SFXN5: variants seen among roughly 807,000 people sequenced by gnomAD.
SFXN5 encodes the protein sideroflexin-5.
SFXN5 carries 43 observed loss-of-function variants against 50.2 expected under a neutral mutation model. That is an observed-to-expected ratio of 0.86 (90% CI 0.67 to 1.11). The LOEUF (loss-of-function observed/expected upper bound fraction) is 1.11, where lower values mean the gene tolerates loss of function less well. Ranked by LOEUF, SFXN5 falls within the 50% of genes least tolerant of loss-of-function variation. SFXN5 has a pLI of 0.00. For missense variants in SFXN5, 463 were observed against 454.1 expected, an observed-to-expected ratio of 1.02 and a Z score of -0.18; for synonymous variants, 203 against 185.8, an observed-to-expected ratio of 1.09 and a Z score of -0.75.
At chr2:72,989,383 A>G (rs1198026697) in intron 9 of SFXN5, among the ~76,000 whole-genome samples, 2 of 152,178 alleles carry the variant, frequency 1.3e-5, no homozygotes, top group African/African-American at 4.8e-5. Context: ...CAGTTTACCT[A>G]TCTGTAAAAA....
intron 3 of SFXN5, among the ~76,000 whole-genome samples, chr2:73,028,450 A>C (rs1677879748): frequency 6.6e-6 from 1 of 152,208 alleles, no homozygotes. Context: ...GTCCCCATGC[A>C]TCAAGTTGTG....
At chr2:72,988,134 A>C (rs897262470) in intron 10 of SFXN5, 124 bp downstream of exon 10, 1 of 801,178 alleles carries the variant, frequency 1.2e-6, no homozygotes, top group Admixed American at 2.8e-5. Context: ...TATTACACCA[A>C]TTCTCCCAGC....
intron 2 of SFXN5, among the ~76,000 whole-genome samples, chr2:73,045,184 C>T (rs186670848): frequency 1.5e-3 from 223 of 152,256 alleles, no homozygotes; most frequent in Middle Eastern, 3.4e-3. Flanking sequence ...TACTTCCTTG[C>T]CCAAGGTCAC....
At chr2:73,049,385 G>A (rs1236928185) in intron 2 of SFXN5, 1 of 152,270 alleles carries the variant, frequency 6.6e-6, no homozygotes, top group East Asian at 1.9e-4. Context: ...TCGAGTAGCT[G>A]GGACTATAGG....
At chr2:72,963,998 T>C (rs979334369) in intron 12 of SFXN5, among the ~76,000 whole-genome samples, 3 of 152,208 alleles carry the variant, frequency 2.0e-5, no homozygotes, top group Non-Finnish European at 4.4e-5. Context: ...CCTCTGCTTC[T>C]GACTTGAGAT....
At chr2:72,981,996 TGC>T (rs111696848) in intron 10 of SFXN5, among the ~76,000 whole-genome samples, 7 of 142,894 alleles carry the variant, frequency 4.9e-5, no homozygotes, top group Admixed American at 7.1e-5. Context: ...TGTGTGTGTG[TGC>T]GTGCCATTTT....
intron 11 of SFXN5, among the ~76,000 whole-genome samples, 172 bp from the exon 12 acceptor site, chr2:72,968,705 CTT>C: frequency 9.9e-6 from 1 of 101,488 alleles, no homozygotes; most frequent in Non-Finnish European, 2.0e-5. Flanking sequence ...CACTGGTCTC[CTT>C]TTTCCTTCCT....
At chr2:73,007,058 G>A (rs58706704) in intron 6 of SFXN5, among the ~76,000 whole-genome samples, 445 of 152,298 alleles carry the variant, frequency 2.9e-3, no homozygotes, top group African/African-American at 0.01. Flanking sequence ...TCTCAATCTG[G>A]GAGAGAGGCA....
At chr2:73,055,807 C>A (rs1160641786) in intron 2 of SFXN5, among the ~76,000 whole-genome samples, 1 of 152,094 alleles carries the variant, frequency 6.6e-6, no homozygotes, top group Admixed American at 6.5e-5. Flanking sequence ...TCAGTAGAGA[C>A]CGGGTTTCAC....
intron 9 of SFXN5, among the ~76,000 whole-genome samples, chr2:72,994,434 C>T (rs1434768447): frequency 6.6e-6 from 1 of 152,174 alleles, no homozygotes; most frequent in Non-Finnish European, 1.5e-5. Flanking sequence ...GCATCCTACA[C>T]AGAAGGGACC....
At chr2:72,975,745 A>C (rs1005931441) in intron 10 of SFXN5, among the ~76,000 whole-genome samples, 3 of 152,216 alleles carry the variant, frequency 2.0e-5, no homozygotes, top group Non-Finnish European at 4.4e-5. Flanking sequence ...TTAGATTCCT[A>C]ATTGTTGCCT....
chr2:73,028,973 C>T (rs776292789), intron 3 of SFXN5, among the ~76,000 whole-genome samples: 2 of 152,170 alleles, frequency 1.3e-5, no homozygotes, highest in African/African-American at 2.4e-5. Context: ...TAACATGAGT[C>T]GTTGTAAGGG....
At chr2:72,977,168 C>T (rs563069116) in intron 10 of SFXN5, among the ~76,000 whole-genome samples, 1 of 152,258 alleles carries the variant, frequency 6.6e-6, no homozygotes, top group South Asian at 2.1e-4. Flanking sequence ...GAGCTGCTGC[C>T]GCCATCTTCC....
At chr2:73,046,626 A>G (rs995064009) in intron 2 of SFXN5, among the ~76,000 whole-genome samples, 1 of 152,034 alleles carries the variant, frequency 6.6e-6, no homozygotes, top group Non-Finnish European at 1.5e-5. Flanking sequence ...GCAGTGAACC[A>G]TGATCACTGC....
At chr2:73,026,929 T>A (rs1340431694) in intron 3 of SFXN5, among the ~76,000 whole-genome samples, 1 of 152,108 alleles carries the variant, frequency 6.6e-6, no homozygotes, top group Non-Finnish European at 1.5e-5. Flanking sequence ...GAGTTCACCA[T>A]GTTGGCCAGC....
At chr2:73,034,881 A>T (rs1009644112) in intron 3 of SFXN5, among the ~76,000 whole-genome samples, 1 of 152,078 alleles carries the variant, frequency 6.6e-6, no homozygotes, top group Non-Finnish European at 1.5e-5. Context: ...GTTTTCAAAG[A>T]CTTTCTCAAT....
chr2:73,012,000 G>T (rs1210439380), intron 6 of SFXN5, among the ~76,000 whole-genome samples: 2 of 152,198 alleles, frequency 1.3e-5, no homozygotes, highest in Non-Finnish European at 2.9e-5. Context: ...CTGGAGGAGA[G>T]GGTGCCATTC....
intron 8 of SFXN5, among the ~76,000 whole-genome samples, chr2:73,000,149 G>A (rs1003716491): frequency 2.0e-5 from 3 of 152,180 alleles, no homozygotes; most frequent in East Asian, 1.9e-4. Context: ...AAAGCCAGCC[G>A]AACTCATCCC....
intron 10 of SFXN5, among the ~76,000 whole-genome samples, chr2:72,976,035 T>C (rs1411016869): frequency 1.3e-5 from 2 of 152,212 alleles, no homozygotes; most frequent in Admixed American, 6.5e-5. Flanking sequence ...CAAACTGTTA[T>C]GTGAAAAAAG....
Sources: allele counts gnomAD v4.1 joint callset (sites outside exome capture counted in the v4.1 genomes callset), GRCh38; gene constraint gnomAD v4.1.1; transcripts MANE v1.5; gene names NCBI Gene and HGNC (gene_info 2026-07-23, HGNC 2026-07-21).